The following TENM2 variants were observed in gnomAD, a reference collection of about 807,000 sequenced individuals.
TENM2 encodes the protein teneurin-2.
Under a neutral mutation model 245.2 loss-of-function variants are expected in TENM2, and 52 were observed. The ratio of observed to expected loss-of-function variants is 0.21; its 90% CI spans 0.17 to 0.27. The LOEUF is 0.27. Ranked by LOEUF, TENM2 falls within the 10% of genes least tolerant of loss-of-function variation. The pLI is 1.00. For synonymous variants in TENM2, 1,363 were observed against 1,438.9 expected (o/e 0.95, Z 1.19); for missense variants, 3,046 against 3,666.8 (o/e 0.83, Z 4.37).
intron 11 of TENM2, 102 bp from the exon 14 acceptor site, chr5:168,126,652 C>G: frequency 1.1e-6 from 1 of 890,334 alleles, no homozygotes; most frequent in Non-Finnish European, 1.7e-6. Flanking sequence ...GCTGCTGGGC[C>G]TCGGGGCCTG....
intron 2 of TENM2, among the ~76,000 whole-genome samples, chr5:167,778,063 G>A (rs1483741232): frequency 6.6e-6 from 1 of 152,222 alleles, no homozygotes; most frequent in Admixed American, 6.5e-5. Context: ...GGACTGCAAA[G>A]GGTAAAATAT....
the TENM2 span, among the ~76,000 whole-genome samples, chr5:167,079,000 C>T: frequency 6.6e-6 from 1 of 151,996 alleles, no homozygotes; most frequent in African/African-American, 2.4e-5. Flanking sequence ...CACTTGTTTG[C>T]AGTGTGAGAG....
At chr5:167,484,643 G>A (rs1378978095) in intron 2 of TENM2, among the ~76,000 whole-genome samples, 3 of 152,132 alleles carry the variant, frequency 2.0e-5, no homozygotes, top group Admixed American at 6.5e-5. Context: ...AAGGAAGTTC[G>A]TACAGTGTCT....
intron 1 of TENM2, among the ~76,000 whole-genome samples, chr5:167,361,308 C>CT (rs1759700294): frequency 6.6e-6 from 1 of 152,136 alleles, no homozygotes; most frequent in South Asian, 2.1e-4. Context: ...CTCAAATCCT[C>CT]TTTTTTTCCT....
intron 2 of TENM2, among the ~76,000 whole-genome samples, chr5:167,465,094 G>A (rs1057415178): frequency 4.2e-4 from 64 of 152,326 alleles, no homozygotes; most frequent in Middle Eastern, 3.4e-3. Flanking sequence ...TACTAGAGGT[G>A]TTTAAGTTGC....
At chr5:167,853,955 T>C (rs1325611048) in intron 2 of TENM2, among the ~76,000 whole-genome samples, 1 of 152,240 alleles carries the variant, frequency 6.6e-6, no homozygotes, top group East Asian at 1.9e-4. Context: ...CATTGTACTG[T>C]TGTGAATCTA....
intron 2 of TENM2, among the ~76,000 whole-genome samples, chr5:167,502,736 T>C (rs1769290445): frequency 6.6e-6 from 1 of 152,232 alleles, no homozygotes; most frequent in African/African-American, 2.4e-5. Context: ...CTTTGGGATC[T>C]ACTGTTTTTA....
At chr5:167,604,571 G>A (rs1056110277) in intron 2 of TENM2, among the ~76,000 whole-genome samples, 2 of 152,012 alleles carry the variant, frequency 1.3e-5, no homozygotes, top group African/African-American at 4.8e-5. Flanking sequence ...GTTGGATTAG[G>A]GTTTCTATAA....
intron 19 of TENM2, among the ~76,000 whole-genome samples, chr5:168,206,510 G>A (rs1762356597): frequency 6.6e-6 from 1 of 152,310 alleles, no homozygotes. Flanking sequence ...CAACCATTAT[G>A]GAGATCCAGA....
chr5:168,209,752 C>G (rs1234036556), intron 19 of TENM2, among the ~76,000 whole-genome samples: 1 of 152,216 alleles, frequency 6.6e-6, no homozygotes, highest in Admixed American at 6.5e-5. Context: ...TTCCTTGCTT[C>G]CTTCACTCAA....
chr5:168,051,040 G>A (rs1317892232), intron 6 of TENM2, among the ~76,000 whole-genome samples: 1 of 152,286 alleles, frequency 6.6e-6, no homozygotes, highest in South Asian at 2.1e-4. Context: ...TAAGCCTTGA[G>A]AAAGACGATT....
At chr5:167,627,715 G>C (rs1401008306) in intron 2 of TENM2, among the ~76,000 whole-genome samples, 1 of 151,984 alleles carries the variant, frequency 6.6e-6, no homozygotes, top group Non-Finnish European at 1.5e-5. Context: ...CCACCGCCAT[G>C]CCAGGCTAAT....
At chr5:167,550,140 C>T (rs533499292) in intron 2 of TENM2, among the ~76,000 whole-genome samples, 21 of 152,164 alleles carry the variant, frequency 1.4e-4, no homozygotes, top group Admixed American at 1.2e-3. Flanking sequence ...TCTTCACTTT[C>T]TTTTTTTTCC....
chr5:167,414,219 T>C (rs1286025391), intron 2 of TENM2, among the ~76,000 whole-genome samples: 1 of 152,182 alleles, frequency 6.6e-6, no homozygotes, highest in African/African-American at 2.4e-5. Flanking sequence ...CTGTAAGTTT[T>C]CTGATAAAGG....
the TENM2 span, among the ~76,000 whole-genome samples, chr5:167,085,609 T>A: frequency 6.6e-6 from 1 of 152,186 alleles, no homozygotes; most frequent in African/African-American, 2.4e-5. Flanking sequence ...CTAAGGTTTA[T>A]GCATTCATAG....
intron 2 of TENM2, among the ~76,000 whole-genome samples, chr5:167,621,422 C>T (rs1027406291): frequency 3.3e-5 from 5 of 151,904 alleles, no homozygotes; most frequent in Non-Finnish European, 5.9e-5. Flanking sequence ...AATTCAAAGA[C>T]GCTAAGATGA....
intron 4 of TENM2, among the ~76,000 whole-genome samples, chr5:167,988,594 G>A (rs1040490524): frequency 1.6e-4 from 24 of 152,118 alleles, no homozygotes; most frequent in Non-Finnish European, 2.5e-4. Context: ...GCAAAGGCCC[G>A]GAGGCAAGAA....
At chr5:167,332,113 T>G (rs771546196) in intron 1 of TENM2, among the ~76,000 whole-genome samples, 1 of 152,180 alleles carries the variant, frequency 6.6e-6, no homozygotes, top group African/African-American at 2.4e-5. Context: ...CCACTCAAGT[T>G]TTTTTATGAC....
intron 2 of TENM2, among the ~76,000 whole-genome samples, chr5:167,378,108 T>C (rs1760874369): frequency 6.6e-6 from 1 of 152,172 alleles, no homozygotes; most frequent in Non-Finnish European, 1.5e-5. Flanking sequence ...CCGTGTTTAC[T>C]TAAAAATCTC....
Sources: gnomAD v4.1 joint callset for allele counts (sites outside exome capture counted in the v4.1 genomes callset) on GRCh38, gnomAD v4.1.1 for gene constraint, MANE v1.5 for transcripts, NCBI Gene and HGNC (gene_info 2026-07-23, HGNC 2026-07-21) for gene names.